The following STK3 variants were observed in gnomAD, a reference collection of about 807,000 sequenced individuals.
STK3 encodes serine/threonine kinase 3.
STK3 carries 41 observed loss-of-function variants against 58.0 expected under a neutral mutation model. That is an observed-to-expected ratio of 0.71 (90% CI 0.55 to 0.92). The LOEUF (loss-of-function observed/expected upper bound fraction) is 0.92, where lower values mean the gene tolerates loss of function less well. Ranked by LOEUF, STK3 falls within the 40% of genes least tolerant of loss-of-function variation. The pLI is 0.00. For synonymous variants in STK3, 170 were observed against 191.0 expected (o/e 0.89, Z 0.91); for missense variants, 479 against 602.7 (o/e 0.79, Z 2.15).
At chr8:98,522,911 T>C (rs1825470231) in intron 10 of STK3, among the ~76,000 whole-genome samples, 1 of 152,234 alleles carries the variant, frequency 6.6e-6, no homozygotes, top group Non-Finnish European at 1.5e-5. Flanking sequence ...TTCCATTTTA[T>C]GTATTACAAC....
intron 1 of STK3, among the ~76,000 whole-genome samples, chr8:98,923,481 C>A (rs978568184): frequency 2.0e-5 from 3 of 152,110 alleles, no homozygotes; most frequent in Admixed American, 6.6e-5. Context: ...CCAGAAATAA[C>A]CTCATGCAAA....
intron 6 of STK3, among the ~76,000 whole-genome samples, chr8:98,608,700 A>G (rs1586998954): frequency 6.6e-6 from 1 of 152,318 alleles, no homozygotes; most frequent in East Asian, 1.9e-4. Flanking sequence ...CTGGACCACT[A>G]AAAAATATAC....
intron 3 of STK3, among the ~76,000 whole-genome samples, chr8:98,870,713 T>A (rs1437631933): frequency 6.6e-6 from 1 of 152,228 alleles, no homozygotes; most frequent in Non-Finnish European, 1.5e-5. Context: ...TATACATTTG[T>A]TTAAGTTCTT....
intron 1 of STK3, among the ~76,000 whole-genome samples, chr8:98,896,757 T>C (rs1010920525): frequency 6.6e-6 from 1 of 152,084 alleles, no homozygotes; most frequent in Non-Finnish European, 1.5e-5. Flanking sequence ...GGCTGGTGGA[T>C]CACTTGAGGT....
At chr8:98,577,117 G>A (rs1563757466) in intron 8 of STK3, among the ~76,000 whole-genome samples, 1 of 152,184 alleles carries the variant, frequency 6.6e-6, no homozygotes, top group African/African-American at 2.4e-5. Flanking sequence ...TGATTTGTCA[G>A]TTTTTTCCAG....
intron 3 of STK3, among the ~76,000 whole-genome samples, chr8:98,875,083 C>T (rs923685405): frequency 2.6e-5 from 4 of 152,076 alleles, no homozygotes; most frequent in Non-Finnish European, 4.4e-5. Context: ...GGCTTTAAAC[C>T]CATATAGTAT....
At chr8:98,651,907 T>C (rs895294356) in intron 6 of STK3, among the ~76,000 whole-genome samples, 1 of 151,526 alleles carries the variant, frequency 6.6e-6, no homozygotes, top group Non-Finnish European at 1.5e-5. Flanking sequence ...GAAAACACTC[T>C]GCAGGATATT....
At chr8:98,713,070 T>A (rs1403990266) in intron 4 of STK3, among the ~76,000 whole-genome samples, 1 of 152,144 alleles carries the variant, frequency 6.6e-6, no homozygotes, top group African/African-American at 2.4e-5. Flanking sequence ...GAAATAAAGA[T>A]GTTCTTTGAA....
intron 6 of STK3, among the ~76,000 whole-genome samples, chr8:98,658,443 T>A (rs892242599): frequency 2.0e-5 from 3 of 152,000 alleles, no homozygotes; most frequent in African/African-American, 7.2e-5. Flanking sequence ...AGCAAACATA[T>A]CTGTTCCTAG....
chr8:98,530,700 A>C (rs1381758060), intron 9 of STK3, among the ~76,000 whole-genome samples: 3 of 152,214 alleles, frequency 2.0e-5, no homozygotes, highest in Non-Finnish European at 2.9e-5. Flanking sequence ...CTGTAGCATG[A>C]GATGCTGTTT....
intron 7 of STK3, among the ~76,000 whole-genome samples, chr8:98,583,438 C>G (rs1814115854): frequency 6.9e-6 from 1 of 145,360 alleles, no homozygotes; most frequent in Non-Finnish European, 1.5e-5. Context: ...ATTAAAAATA[C>G]TGCATTGACA....
chr8:98,374,860 G>C (rs1312336925), intron 2 of STK3, among the ~76,000 whole-genome samples: 3 of 152,200 alleles, frequency 2.0e-5, no homozygotes, highest in Non-Finnish European at 4.4e-5. Context: ...AGAAGCTAGA[G>C]GGGCTAGAGA....
chr8:98,843,793 G>T (rs551904756), intron 3 of STK3, among the ~76,000 whole-genome samples: 15 of 152,172 alleles, frequency 9.9e-5, no homozygotes. Flanking sequence ...GAGGCGGGTG[G>T]ATCACTTGAG....
chr8:98,420,015 C>A (rs1413349399), intron 3 of STK3, among the ~76,000 whole-genome samples: 5 of 152,222 alleles, frequency 3.3e-5, no homozygotes, highest in Non-Finnish European at 1.5e-5. Context: ...TCCAAACACC[C>A]AACTGGACCA....
At chr8:98,760,811 C>T (rs566371979) in intron 3 of STK3, among the ~76,000 whole-genome samples, 1 of 151,968 alleles carries the variant, frequency 6.6e-6, no homozygotes, top group South Asian at 2.1e-4. Flanking sequence ...GCTCCCTACA[C>T]TCTTTATCCT....
chr8:98,763,740 T>G (rs1055550084), intron 3 of STK3, among the ~76,000 whole-genome samples: 7 of 152,050 alleles, frequency 4.6e-5, no homozygotes, highest in African/African-American at 1.7e-4. Flanking sequence ...TGGTACAATC[T>G]CAGCTCACTG....
At chr8:98,769,951 T>C (rs575566729) in intron 2 of STK3, among the ~76,000 whole-genome samples, 1 of 152,336 alleles carries the variant, frequency 6.6e-6, no homozygotes, top group East Asian at 1.9e-4. Context: ...ATAGTCTTAC[T>C]GGAAGTTGAA....
At chr8:98,355,524 C>G in the STK3 span, among the ~76,000 whole-genome samples, 1 of 152,192 alleles carries the variant, frequency 6.6e-6, no homozygotes, top group Non-Finnish European at 1.5e-5. Flanking sequence ...ATAGCAACTG[C>G]TGGGGGCATC....
chr8:98,929,182 C>G (rs1406334313), intron 1 of STK3, among the ~76,000 whole-genome samples: 1 of 152,168 alleles, frequency 6.6e-6, no homozygotes, highest in Non-Finnish European at 1.5e-5. Context: ...AGGAGAATTG[C>G]TTGAACCCGA....
Sources: allele counts gnomAD v4.1 joint callset (sites outside exome capture counted in the v4.1 genomes callset), GRCh38; gene constraint gnomAD v4.1.1; transcripts MANE v1.5; gene names NCBI Gene and HGNC (gene_info 2026-07-23, HGNC 2026-07-21).